SDCCAG8: variants seen among roughly 807,000 people sequenced by gnomAD.
The protein encoded by SDCCAG8 is serologically defined colon cancer antigen 8.
Under a neutral mutation model 101.8 loss-of-function variants are expected in SDCCAG8, and 74 were observed. The observed-to-expected ratio is 0.73, with a 90% CI of 0.60 to 0.88. The LOEUF is 0.88. Among genes scored for constraint, SDCCAG8 ranks in the 40% least tolerant of loss-of-function variants. The probability of loss-of-function intolerance (pLI) is 0.00; values close to 1 mark genes in which losing one functional copy is unlikely to be tolerated. For synonymous variants in SDCCAG8, 281 were observed against 292.9 expected, an observed-to-expected ratio of 0.96 and a Z score of 0.41; for missense variants, 787 against 822.6, an observed-to-expected ratio of 0.96 and a Z score of 0.53.
At chr1:243,332,068 G>T (rs2074641302) in intron 10 of SDCCAG8, among the ~76,000 whole-genome samples, 1 of 152,176 alleles carries the variant, frequency 6.6e-6, no homozygotes, top group Admixed American at 6.5e-5. Context: ...GAATGGACAG[G>T]TGAAGAGGGG....
intron 16 of SDCCAG8, among the ~76,000 whole-genome samples, chr1:243,459,508 G>T (rs192358428): frequency 6.6e-6 from 1 of 152,084 alleles, no homozygotes. Context: ...GAAAGGCTTG[G>T]GGGGTGGGGG....
intron 16 of SDCCAG8, among the ~76,000 whole-genome samples, chr1:243,449,150 G>A (rs1032709428): frequency 6.6e-6 from 1 of 152,196 alleles, no homozygotes; most frequent in Admixed American, 6.5e-5. Context: ...TATAACTGGA[G>A]TGGCTGCCTG....
intron 16 of SDCCAG8, among the ~76,000 whole-genome samples, chr1:243,454,649 G>A (rs904903529): frequency 3.3e-5 from 5 of 152,168 alleles, no homozygotes; most frequent in East Asian, 1.9e-4. Context: ...AATAATAACC[G>A]TGTTCTCCAA....
intron 16 of SDCCAG8, among the ~76,000 whole-genome samples, chr1:243,452,409 C>CTTTTTTTTTTTTTTTTTTTT (rs1558489172): frequency 8.3e-6 from 1 of 121,034 alleles, no homozygotes. Context: ...GAGATGATCT[C>CTTTTTTTTTTTTTTTTTTTT]ATCTCTTTTT....
intron 13 of SDCCAG8, among the ~76,000 whole-genome samples, chr1:243,382,878 A>G (rs922743781): frequency 6.6e-6 from 1 of 152,212 alleles, no homozygotes; most frequent in Admixed American, 6.5e-5. Flanking sequence ...ATTAAAGGTG[A>G]CTGTAAGTTT....
chr1:243,317,394 C>T (rs1334188126), intron 9 of SDCCAG8, among the ~76,000 whole-genome samples: 1 of 149,220 alleles, frequency 6.7e-6, no homozygotes, highest in Non-Finnish European at 1.5e-5. Context: ...GATTTCGGCT[C>T]ACAGCAACCT....
At chr1:243,470,009 A>AG (rs2148187295) in intron 16 of SDCCAG8, among the ~76,000 whole-genome samples, 1 of 151,898 alleles carries the variant, frequency 6.6e-6, no homozygotes, top group African/African-American at 2.4e-5. Context: ...AAAAAAAAAA[A>AG]GTATAGCAAC....
intron 1 of SDCCAG8, chr1:243,267,608 A>G (rs1434856640): frequency 5.4e-6 from 3 of 555,060 alleles, no homozygotes; most frequent in Non-Finnish European, 9.8e-6. Context: ...CTCTCAAGAA[A>G]AAAAAAAAAA....
chr1:243,406,508 A>G (rs1380469057), intron 13 of SDCCAG8, among the ~76,000 whole-genome samples: 2 of 152,182 alleles, frequency 1.3e-5, no homozygotes, highest in African/African-American at 4.8e-5. Flanking sequence ...CTGTAGTAAT[A>G]AGTGCTTTCC....
Position 243,308,055 on chromosome 1 carries a change from T to C in SDCCAG8, c.807T>C (p.Phe269=). Residue 269 remains phenylalanine (F), a synonymous_variant, in exon 8 of 18, where the codon TTT becomes TTC. Coordinates refer to ENST00000366541, the MANE Select transcript of SDCCAG8 (RefSeq NM_006642.5). ...DLKEQLKHKE[F]LLAANTCNRV... The stretch of plus-strand genomic sequence containing the variant: ...AAGAGCAACTAAAGCATAAAGAATT[T>C]CTTCTGGCTGCTAATACTTGTAACC... The C allele has an allele frequency of 6.2e-7, 1 of 1,614,194 alleles. No homozygotes were observed. The highest frequency in any genetic ancestry group is 8.5e-7 in the Non-Finnish European group (1 of 1,180,022).
chr1:243,256,287 C>T (rs1558187229), intron 1 of SDCCAG8, 47 bp downstream of exon 1: 1 of 1,540,184 alleles, frequency 6.5e-7, no homozygotes, highest in Non-Finnish European at 9.0e-7. Context: ...TGCCCAGGGC[C>T]TAGTGGGCGG....
intron 16 of SDCCAG8, among the ~76,000 whole-genome samples, chr1:243,432,982 G>A (rs12140431): frequency 0.17 from 25,101 of 151,994 alleles, 2,230 homozygotes; most frequent in African/African-American, 0.21. Context: ...GACAAAGTGC[G>A]GCGTATAAGG....
rs1337632400 is a variant in SDCCAG8 at position 243,458,399 on chromosome 1, G to T, written c.1986-30615G>T. The stretch of plus-strand genomic sequence containing the variant: ...TTGTTATTATATAATATATAATTAT[G>T]TAAGATATAATAAATATATAATAAT... On this transcript the variant is annotated intron_variant, in intron 16 of 17. Coordinates refer to ENST00000366541, the MANE Select transcript of SDCCAG8 (RefSeq NM_006642.5). This position sits in a 1 kb window ranked among gnomAD's most constrained non-coding sequence, Gnocchi z 4.5. Among the ~76,000 whole-genome samples the T allele has an allele frequency of 6.6e-6, 1 of 151,422 alleles. No homozygotes were observed. Among genetic ancestry groups the T allele is most frequent in the Non-Finnish European group, 1.5e-5 (1 of 67,878 alleles).
At chr1:243,367,057 G>A (rs1419165714) in intron 12 of SDCCAG8, among the ~76,000 whole-genome samples, 2 of 151,866 alleles carry the variant, frequency 1.3e-5, no homozygotes, top group East Asian at 3.9e-4. Flanking sequence ...TTTGCTTTTG[G>A]ATGATTTTTC....
chr1:243,271,573 C>T, intron 3 of SDCCAG8, among the ~76,000 whole-genome samples: 1 of 151,880 alleles, frequency 6.6e-6, no homozygotes, highest in Non-Finnish European at 1.5e-5. Flanking sequence ...GACAGAGTCT[C>T]ATTCTGTTGC....
At chr1:243,294,251 T>C (rs1038046450) in intron 6 of SDCCAG8, among the ~76,000 whole-genome samples, 2 of 152,204 alleles carry the variant, frequency 1.3e-5, no homozygotes, top group Non-Finnish European at 2.9e-5. Context: ...TCTGGAAATC[T>C]TTAACTCCTT....
At chr1:243,387,514 A>G (rs2078385434) in intron 13 of SDCCAG8, among the ~76,000 whole-genome samples, 2 of 152,332 alleles carry the variant, frequency 1.3e-5, no homozygotes, top group Non-Finnish European at 2.9e-5. Flanking sequence ...TACTTTTGTG[A>G]TCCAGATGGG....
At chr1:243,286,420 A>T (rs1393929275) in intron 5 of SDCCAG8, 23 bp downstream of exon 5, 1 of 1,612,984 alleles carries the variant, frequency 6.2e-7, no homozygotes. Flanking sequence ...TTAAATCATA[A>T]ATTTTATTTT....
intron 16 of SDCCAG8, among the ~76,000 whole-genome samples, chr1:243,479,370 G>T (rs1307962726): frequency 6.6e-6 from 1 of 152,192 alleles, no homozygotes; most frequent in Non-Finnish European, 1.5e-5. Context: ...AATAAATATT[G>T]TAGGCTCCAT....
Sources: gnomAD v4.1 joint callset for allele counts (sites outside exome capture counted in the v4.1 genomes callset) on GRCh38, gnomAD v4.1.1 for gene constraint, Gnocchi (gnomAD v3.1) non-coding constraint, MANE v1.5 for transcripts, NCBI Gene and HGNC (gene_info 2026-07-23, HGNC 2026-07-21) for gene names.